OPRD1: variants seen among roughly 807,000 people sequenced by gnomAD.
OPRD1 encodes opioid receptor delta 1, also known as delta-type opioid receptor.
In OPRD1, 19 loss-of-function variants were observed where a neutral mutation model predicts 17.5. The observed-to-expected ratio is 1.09, with a 90% CI of 0.76 to 1.60. The LOEUF (loss-of-function observed/expected upper bound fraction) is 1.60, where lower values mean the gene tolerates loss of function less well. OPRD1 is among the 40% of genes most tolerant of loss of function. OPRD1 has a pLI of 0.00. For missense variants in OPRD1, 483 were observed against 547.2 expected, an observed-to-expected ratio of 0.88 and a Z score of 1.17; for synonymous variants, 256 against 240.9, an observed-to-expected ratio of 1.06 and a Z score of -0.58.
chr1:28,839,454 C>A (rs2088878426), intron 1 of OPRD1, among the ~76,000 whole-genome samples: 1 of 152,166 alleles, frequency 6.6e-6, no homozygotes, highest in Admixed American at 6.5e-5. Context: ...TTTCTGAGAG[C>A]TCGAACAGCA....
At chr1:28,852,164 T>TA (rs71030305) in intron 1 of OPRD1, among the ~76,000 whole-genome samples, 3,628 of 86,684 alleles carry the variant, frequency 0.042, 97 homozygotes, top group African/African-American at 0.088. Flanking sequence ...AAACTCCATG[T>TA]AAAAAAAAAA....
At chr1:28,847,557 G>A (rs2088964985) in intron 1 of OPRD1, among the ~76,000 whole-genome samples, 1 of 152,180 alleles carries the variant, frequency 6.6e-6, no homozygotes, top group African/African-American at 2.4e-5. Flanking sequence ...ATAAAGGCTG[G>A]GCACAATGGC....
rs2089028459 is a variant in OPRD1 at position 28,853,607 on chromosome 1, A to T, written c.228-5347A>T. On this transcript the variant is annotated intron_variant, in intron 1 of 2. Coordinates refer to ENST00000234961, the MANE Select transcript of OPRD1 (RefSeq NM_000911.4). ...ACTATAAGAATAGCTAAAAACATTC[A>T]AAGTGATTGCCCCTGGGGAACAGGA... is the stretch of plus-strand genomic sequence containing the variant. Among the ~76,000 whole-genome samples the T allele has an allele frequency of 2.0e-5, 3 of 152,250 alleles. No individual in the cohort carries two copies. The South Asian group carries it at 6.2e-4, about 31-fold the overall frequency.
intron 1 of OPRD1, among the ~76,000 whole-genome samples, chr1:28,812,817 G>A (rs1050916466): frequency 6.7e-6 from 1 of 148,972 alleles, no homozygotes; most frequent in African/African-American, 2.5e-5. Context: ...TGTGTGGTGC[G>A]GGGGGGGGAG....
chr1:28,824,609 T>C lies in OPRD1; in HGVS notation c.227+11999T>C, dbSNP rs1451211111. ...CTGGGATTACAGGCGTGAGCCACTGTGCCTGGCTGATGGTTCTTTTTCTTG... is the reference window on the plus strand; with the variant it reads ...CTGGGATTACAGGCGTGAGCCACTGCGCCTGGCTGATGGTTCTTTTTCTTG... On this transcript the variant is annotated intron_variant, in intron 1 of 2. Coordinates refer to ENST00000234961, the MANE Select transcript of OPRD1 (RefSeq NM_000911.4). Among the ~76,000 whole-genome samples the C allele has an allele frequency of 4.0e-5, 6 of 151,860 alleles. No homozygotes were observed. In the East Asian group the frequency reaches 7.9e-4, roughly 20 times the overall value.
At chr1:28,851,413 A>G (rs116414621) in intron 1 of OPRD1, among the ~76,000 whole-genome samples, 189 of 152,280 alleles carry the variant, frequency 1.2e-3, no homozygotes, top group African/African-American at 4.2e-3. Context: ...TAAAAATTCT[A>G]CCTCCTATGT....
intron 1 of OPRD1, among the ~76,000 whole-genome samples, chr1:28,855,250 T>C (rs777952870): frequency 5.9e-5 from 9 of 151,436 alleles, no homozygotes; most frequent in African/African-American, 9.7e-5. Flanking sequence ...CCATGCAAAA[T>C]ATGGGGGGAC....
intron 1 of OPRD1, among the ~76,000 whole-genome samples, chr1:28,858,006 A>G (rs1031405659): frequency 8.6e-5 from 13 of 150,758 alleles, no homozygotes; most frequent in African/African-American, 3.2e-4. Context: ...TTGGTTGGTC[A>G]GGATGGTCTC....
intron 1 of OPRD1, among the ~76,000 whole-genome samples, chr1:28,846,451 C>T (rs544421421): frequency 6.6e-6 from 1 of 152,130 alleles, no homozygotes; most frequent in African/African-American, 2.4e-5. Flanking sequence ...AGAGAGCAAA[C>T]TCGGGCAGAT....
intron 1 of OPRD1, among the ~76,000 whole-genome samples, chr1:28,835,293 GT>G (rs2124271284): frequency 6.6e-6 from 1 of 152,330 alleles, no homozygotes; most frequent in East Asian, 1.9e-4. Flanking sequence ...TGAGTGTGTT[GT>G]TCTTGAACTG....
Position 28,858,046 on chromosome 1 carries a change from C to T in OPRD1, c.228-908C>T, listed in dbSNP as rs1022470830. Among the ~76,000 whole-genome samples the T allele has an allele frequency of 2.0e-5, 3 of 151,264 alleles. No homozygotes were observed. In the East Asian group the frequency reaches 5.8e-4, roughly 29 times the overall value. ...TCTGGACCTCGTGATCCGCCCACCT[C>T]GGCCTCCCAAAGTGCCGGGATTACA... On this transcript the variant is annotated intron_variant, in intron 1 of 2. Coordinates refer to ENST00000234961, the MANE Select transcript of OPRD1 (RefSeq NM_000911.4).
At chr1:28,842,926 GT>G (rs1361038203) in intron 1 of OPRD1, among the ~76,000 whole-genome samples, 2 of 151,128 alleles carry the variant, frequency 1.3e-5, no homozygotes, top group African/African-American at 4.9e-5. Context: ...AAAAAAATTA[GT>G]TTGGTGTGAT....
chr1:28,818,921 GT>G (rs2088690973), intron 1 of OPRD1, among the ~76,000 whole-genome samples: 1 of 152,034 alleles, frequency 6.6e-6, no homozygotes, highest in South Asian at 2.1e-4. Context: ...CCATGGTAAG[GT>G]TGGCGTGCTG....
chr1:28,851,948 A>T (rs2089007857), intron 1 of OPRD1, among the ~76,000 whole-genome samples: 1 of 151,006 alleles, frequency 6.6e-6, no homozygotes, highest in Non-Finnish European at 1.5e-5. Flanking sequence ...TGGGCGGATC[A>T]TGAGGTCAGG....
chr1:28,818,158 T>G (rs1005330095), intron 1 of OPRD1, among the ~76,000 whole-genome samples: 4 of 152,050 alleles, frequency 2.6e-5, no homozygotes, highest in Non-Finnish European at 5.9e-5. Flanking sequence ...GTGGGCAGAG[T>G]GCAGGTGGGC....
intron 1 of OPRD1, among the ~76,000 whole-genome samples, chr1:28,840,526 T>C (rs1011716855): frequency 6.6e-6 from 1 of 152,170 alleles, no homozygotes; most frequent in Non-Finnish European, 1.5e-5. Context: ...TGGGTTTGAC[T>C]CTCTGCTCAG....
Position 28,863,201 on chromosome 1 carries a change from G to A in OPRD1, c.1037G>A (p.Ser346Asn). 6.3e-7 allele frequency: 1 copy of A among 1,586,762 alleles called. No individual in the cohort carries two copies. The highest frequency in any genetic ancestry group is 8.5e-7 in the Non-Finnish European group (1 of 1,172,890). ...GGCCGCCCAGACCCCAGCAGCTTCA[G>A]CCGCGCCCGCGAAGCCACGGCCCGC... ...PCGRPDPSSF[S>N]RAREATARER... The change falls in exon 3 of 3, where the codon AGC (serine) becomes AAC (asparagine). Residue 346 changes from serine to asparagine, a missense_variant. Ser to Asn is a conservative substitution (Grantham distance 46). Transcript: ENST00000234961.
intron 2 of OPRD1, 39 bp downstream of exon 2, chr1:28,859,342 A>G: frequency 6.4e-7 from 1 of 1,557,636 alleles, no homozygotes; most frequent in East Asian, 2.3e-5. Context: ...GCCACTGACC[A>G]CAGGAGGCAG....
intron 1 of OPRD1, among the ~76,000 whole-genome samples, chr1:28,845,126 C>T (rs528711979): frequency 6.6e-6 from 1 of 151,880 alleles, no homozygotes; most frequent in East Asian, 1.9e-4. Flanking sequence ...GGGCAGATCA[C>T]AAGGTCAGGA....
Sources: gnomAD v4.1 joint callset for allele counts (sites outside exome capture counted in the v4.1 genomes callset) on GRCh38, gnomAD v4.1.1 for gene constraint, MANE v1.5 for transcripts, NCBI Gene and HGNC (gene_info 2026-07-23, HGNC 2026-07-21) for gene names.